CBLN2: variants seen among roughly 807,000 people sequenced by gnomAD.
CBLN2 encodes cerebellin 2 precursor.
In CBLN2, 7 loss-of-function variants were observed where a neutral mutation model predicts 15.0. The ratio of observed to expected loss-of-function variants is 0.47; its 90% CI spans 0.27 to 0.88. CBLN2 has a LOEUF of 0.88. Among genes scored for constraint, CBLN2 ranks in the 40% least tolerant of loss-of-function variants. The pLI is 0.14. For synonymous variants in CBLN2, 149 were observed against 135.2 expected, an observed-to-expected ratio of 1.10 and a Z score of -0.71; for missense variants, 242 against 304.5, an observed-to-expected ratio of 0.79 and a Z score of 1.53.
In CBLN2 at chr18:72,538,377, A is replaced by G; in HGVS notation, c.478-4T>C. 6.2e-7 allele frequency: 1 copy of G among 1,613,984 alleles called. No homozygotes were observed. Among genetic ancestry groups the G allele is most frequent in the Non-Finnish European group, 8.5e-7 (1 of 1,179,948 alleles). The stretch of plus-strand genomic sequence containing the variant: ...AGCCATTCTGCATTAAACTGACCTA[A>G]AATGCAGAGAGTAGAGCTCAGCAGA... On this transcript the variant is annotated splice_polypyrimidine_tract_variant and splice_region_variant and intron_variant, in intron 4 of 4. Transcript: ENST00000269503.
At chr18:72,555,668 T>C (rs185538753) in intron 1 of CBLN2, among the ~76,000 whole-genome samples, 141 of 152,320 alleles carry the variant, frequency 9.3e-4, no homozygotes, top group African/African-American at 2.3e-3. Flanking sequence ...AATTAATCAG[T>C]AACAACTTGA....
chr18:72,630,782 C>T (rs2144978679), intron 1 of CBLN2, among the ~76,000 whole-genome samples: 1 of 152,220 alleles, frequency 6.6e-6, no homozygotes, highest in South Asian at 2.1e-4. Context: ...TGGTTTCCTT[C>T]CTGTGGAACT....
chr18:72,576,460 CAAAT>C (rs1428411577), intron 1 of CBLN2, among the ~76,000 whole-genome samples: 2 of 151,990 alleles, frequency 1.3e-5, no homozygotes, highest in East Asian at 3.9e-4. Context: ...GATAAAATAA[CAAAT>C]AAAAGGAGCA....
intron 1 of CBLN2, among the ~76,000 whole-genome samples, chr18:72,625,697 A>ATT (rs2069731309): frequency 1.9e-5 from 1 of 52,718 alleles, no homozygotes. Flanking sequence ...ATATAGTATT[A>ATT]CTATATATAT....
intron 1 of CBLN2, among the ~76,000 whole-genome samples, chr18:72,555,634 A>T (rs775587402): frequency 3.2e-4 from 48 of 152,186 alleles, no homozygotes; most frequent in Non-Finnish European, 5.7e-4. Flanking sequence ...GCATTTTTAA[A>T]ATGTACTTTA....
intron 1 of CBLN2, chr18:72,625,147 A>T (rs998244785): frequency 6.6e-6 from 1 of 152,162 alleles, no homozygotes; most frequent in Non-Finnish European, 1.5e-5. Flanking sequence ...ACTCATATAG[A>T]GAGCTTACCT....
At chr18:72,588,503 T>C (rs964031588) in intron 1 of CBLN2, among the ~76,000 whole-genome samples, 8 of 152,340 alleles carry the variant, frequency 5.3e-5, no homozygotes, top group Middle Eastern at 3.4e-3. Context: ...ATTTTCAGTT[T>C]TGACTGTGTT....
In CBLN2 at chr18:72,542,215, C is replaced by A; in HGVS notation, c.-55G>T. ...TGGAGGCCGGCGCCGGCGCGAGCGGCGCGGAAGGGCGCGAAGGAACGCGCG... is the reference window on the plus strand; with the variant it reads ...TGGAGGCCGGCGCCGGCGCGAGCGGAGCGGAAGGGCGCGAAGGAACGCGCG... On this transcript the variant is annotated 5_prime_UTR_variant, in exon 3 of 5. Coordinates refer to ENST00000269503, the MANE Select transcript of CBLN2 (RefSeq NM_182511.4). The A allele has an allele frequency of 8.9e-7, 1 of 1,128,926 alleles. No individual in the cohort carries two copies. The highest frequency in any genetic ancestry group is 1.1e-6 in the Non-Finnish European group (1 of 913,052). The allele number at this position is 1,128,926 out of a possible 1,614,324, so 69.9% of individuals were successfully genotyped here.
chr18:72,571,112 A>G (rs2069329862), intron 1 of CBLN2, among the ~76,000 whole-genome samples: 1 of 152,150 alleles, frequency 6.6e-6, no homozygotes, highest in Non-Finnish European at 1.5e-5. Flanking sequence ...ATATTGATAG[A>G]TGATAGTATC....
intron 1 of CBLN2, among the ~76,000 whole-genome samples, chr18:72,631,964 A>G (rs957600443): frequency 6.6e-6 from 1 of 151,708 alleles, no homozygotes; most frequent in South Asian, 2.1e-4. Context: ...TTTTGAATTA[A>G]AATTAGACTT....
At chr18:72,589,679 G>T (rs1411979939) in intron 1 of CBLN2, among the ~76,000 whole-genome samples, 1 of 152,198 alleles carries the variant, frequency 6.6e-6, no homozygotes, top group African/African-American at 2.4e-5. Context: ...GTTGACACAT[G>T]AATTTTGTAT....
At chr18:72,620,069 C>T (rs138900619) in intron 1 of CBLN2, 1 of 152,576 alleles carries the variant, frequency 6.6e-6, no homozygotes, top group African/African-American at 2.4e-5. Flanking sequence ...TCCATGCAGG[C>T]CCCACGGCAG....
chr18:72,618,303 C>T, intron 1 of CBLN2: 1 of 429,574 alleles, frequency 2.3e-6, no homozygotes, highest in South Asian at 2.3e-5. Context: ...GCCCGATTAG[C>T]TGCGGGAGCT....
At chr18:72,542,643 C>G (rs1168529877) in intron 2 of CBLN2, among the ~76,000 whole-genome samples, 2 of 152,106 alleles carry the variant, frequency 1.3e-5, no homozygotes, top group South Asian at 4.1e-4. Context: ...CGCCCATTCA[C>G]CAGCGCGGAG....
At chr18:72,625,818 C>CTCTCTATATA (rs1469005975) in intron 1 of CBLN2, among the ~76,000 whole-genome samples, 1 of 57,394 alleles carries the variant, frequency 1.7e-5, no homozygotes, top group East Asian at 5.6e-4. Context: ...CTCTCTCTCT[C>CTCTCTATATA]TATATATATA....
intron 1 of CBLN2, among the ~76,000 whole-genome samples, chr18:72,603,882 GA>G (rs1017460480): frequency 1.2e-4 from 18 of 152,146 alleles, no homozygotes; most frequent in Non-Finnish European, 2.1e-4. Flanking sequence ...TCAATGGGAA[GA>G]AAATGGCCTC....
intron 1 of CBLN2, among the ~76,000 whole-genome samples, chr18:72,629,576 G>T (rs983765087): frequency 6.6e-6 from 1 of 152,082 alleles, no homozygotes; most frequent in Non-Finnish European, 1.5e-5. Context: ...AGGGCAAAAA[G>T]AATAAATCTA....
chr18:72,600,415 A>G (rs1401128549), intron 1 of CBLN2, among the ~76,000 whole-genome samples: 1 of 152,212 alleles, frequency 6.6e-6, no homozygotes, highest in Admixed American at 6.5e-5. Flanking sequence ...TCTGCAAGGC[A>G]CAGGAATAAA....
intron 1 of CBLN2, among the ~76,000 whole-genome samples, chr18:72,591,311 C>G (rs549932554): frequency 1.3e-5 from 2 of 152,196 alleles, no homozygotes; most frequent in Middle Eastern, 3.4e-3. Context: ...CCTAACAAAT[C>G]TATCAGAATC....
Sources: gnomAD v4.1 joint callset for allele counts (sites outside exome capture counted in the v4.1 genomes callset) on GRCh38, gnomAD v4.1.1 for gene constraint, MANE v1.5 for transcripts, NCBI Gene and HGNC (gene_info 2026-07-23, HGNC 2026-07-21) for gene names.